KIF24: variants seen among roughly 807,000 people sequenced by gnomAD.
The protein encoded by KIF24 is kinesin family member 24, also known as kinesin-like protein KIF24.
A neutral mutation model predicts 118.9 loss-of-function variants in KIF24; 81 were observed. The observed-to-expected ratio is 0.68, with a 90% CI of 0.57 to 0.82. The LOEUF (loss-of-function observed/expected upper bound fraction) is 0.82, where lower values mean the gene tolerates loss of function less well. Ranked by LOEUF, KIF24 falls within the 40% of genes least tolerant of loss-of-function variation. The pLI is 0.00. For missense variants in KIF24, 1,560 were observed against 1,661.6 expected, an observed-to-expected ratio of 0.94 and a Z score of 1.06; for synonymous variants, 599 against 610.0, an observed-to-expected ratio of 0.98 and a Z score of 0.27.
Position 34,259,595 on chromosome 9 carries a change from C to T in KIF24, c.1625+1G>A, listed in dbSNP as rs776609862. On this transcript the variant is annotated splice_donor_variant, in intron 10 of 12. Coordinates refer to ENST00000402558, the MANE Select transcript of KIF24 (RefSeq NM_194313.4). LOFTEE classifies it high-confidence loss of function. ...AACCTGCCATCTGGGAGCTGACTTA[C>T]CGGTCAGCATAGCGCAAGGTGTTGA... The T allele has an allele frequency of 4.0e-5, 65 of 1,611,038 alleles. No homozygotes were observed. Among genetic ancestry groups the T allele is most frequent in the Non-Finnish European group, 5.1e-5 (60 of 1,177,424 alleles).
At chr9:34,276,140 C>CGT (rs1311830651) in intron 6 of KIF24, among the ~76,000 whole-genome samples, 9 of 152,104 alleles carry the variant, frequency 5.9e-5, no homozygotes, top group Non-Finnish European at 1.5e-5. Context: ...CGGTGGCTCA[C>CGT]GCCTATAATC....
intron 7 of KIF24, among the ~76,000 whole-genome samples, chr9:34,269,689 G>T (rs925536347): frequency 4.6e-5 from 7 of 152,126 alleles, no homozygotes; most frequent in Non-Finnish European, 7.4e-5. Context: ...AAAGTGCTGG[G>T]ATTACAGGCA....
chr9:34,308,908 C>T (rs1837033100), intron 2 of KIF24, among the ~76,000 whole-genome samples: 1 of 151,828 alleles, frequency 6.6e-6, no homozygotes, highest in Non-Finnish European at 1.5e-5. Flanking sequence ...AGTGAGATCC[C>T]CAACTCTACA....
chr9:34,260,093 A>C (rs1834999968), intron 9 of KIF24, among the ~76,000 whole-genome samples: 1 of 152,140 alleles, frequency 6.6e-6, no homozygotes, highest in Non-Finnish European at 1.5e-5. Flanking sequence ...AGTGGCACTC[A>C]CCTGTCTGTA....
intron 1 of KIF24, chr9:34,319,139 T>C: frequency 1.3e-5 from 20 of 1,565,514 alleles, no homozygotes; most frequent in Non-Finnish European, 1.8e-5. Flanking sequence ...CTACAACTAC[T>C]ATGACAATGA....
intron 6 of KIF24, among the ~76,000 whole-genome samples, chr9:34,277,098 T>A (rs1374899177): frequency 6.6e-6 from 1 of 152,160 alleles, no homozygotes; most frequent in Non-Finnish European, 1.5e-5. Context: ...AAACTTACTG[T>A]GGAAAACTTG....
Position 34,256,647 on chromosome 9 carries a change from A to G in KIF24, c.2960T>C (p.Ile987Thr). The part of the protein sequence containing the change: ...LPSPEEDGFT[I>T]SLSHVAVPGS... ...AGGAACTGCAACGTGGGACAATGAG[A>G]TAGTGAAACCATCTTCCTCTGGGGA... The change falls in exon 11 of 13, where the codon ATC becomes ACC. Residue 987 changes from isoleucine (I) to threonine (T), a missense_variant. Physicochemically the swap from Ile to Thr is moderately conservative, Grantham distance 89. This residue lies in a region of KIF24 where 591 missense variants were observed against 655.6 expected (regional missense o/e 0.90). Coordinates refer to ENST00000402558, the MANE Select transcript of KIF24 (RefSeq NM_194313.4). 1 of 1,613,970 alleles carries G rather than the reference A, an allele frequency of 6.2e-7. No homozygotes were observed. The highest frequency in any genetic ancestry group is 1.1e-5 in the South Asian group (1 of 91,082).
chr9:34,291,792 A>C (rs77798292), intron 4 of KIF24, among the ~76,000 whole-genome samples: 1 of 131,474 alleles, frequency 7.6e-6, no homozygotes, highest in Non-Finnish European at 1.7e-5. Flanking sequence ...TGCTTGCAGC[A>C]AAAAAAAAAA....
Position 34,257,878 on chromosome 9 carries a change from C to T in KIF24, c.1729G>A (p.Ala577Thr). Residue 577 changes from alanine to threonine, a missense_variant, in exon 11 of 13, where the codon GCT becomes ACT. By Grantham distance (58) the Ala-to-Thr change is moderately conservative. Transcript: ENST00000402558. The stretch of plus-strand genomic sequence containing the variant: ...GGAGAACATTTGTCCTCTGACAAAG[C>T]CCCAGGGGAGCTCTGAATTCGTTTT... The part of the protein sequence containing the change: ...SPKRIQSSPG[A>T]LSEDKCSPKK... 6.2e-7 allele frequency: 1 copy of T among 1,613,984 alleles called. No homozygotes were observed. Among genetic ancestry groups the T allele is most frequent in the Non-Finnish European group, 8.5e-7 (1 of 1,179,850 alleles).
intron 1 of KIF24, among the ~76,000 whole-genome samples, chr9:34,311,661 C>CATATATACGTGTATATGTAT (rs1252920049): frequency 1.4e-5 from 2 of 144,006 alleles, no homozygotes; most frequent in Non-Finnish European, 3.1e-5. Context: ...CGTGTATATA[C>CATATATACGTGTATATGTAT]ATATATACGT....
chr9:34,299,185 T>C (rs1223482583), intron 3 of KIF24, among the ~76,000 whole-genome samples: 2 of 152,018 alleles, frequency 1.3e-5, no homozygotes, highest in East Asian at 1.9e-4. Flanking sequence ...ATTTTGTTCA[T>C]TGATTTTTTT....
At chr9:34,310,437 G>A (rs1040690591) in intron 2 of KIF24, among the ~76,000 whole-genome samples, 5 of 151,932 alleles carry the variant, frequency 3.3e-5, no homozygotes, top group African/African-American at 7.3e-5. Flanking sequence ...ATCATGTTAC[G>A]CTATAATAAA....
rs751237143 is a variant in KIF24, at chr9:34,255,742, G to A, written c.3865C>T (p.Gln1289Ter). 6.2e-7 allele frequency: 1 copy of A among 1,609,684 alleles called. No homozygotes were observed. Among genetic ancestry groups the A allele is most frequent in the Non-Finnish European group, 8.5e-7 (1 of 1,177,474 alleles). The change falls in exon 11 of 13, where the codon CAA becomes TAA. Residue 1289 changes from glutamine (Q) to a stop codon, truncating the protein, a stop_gained. Transcript: ENST00000402558. LOFTEE classifies it high-confidence loss of function. ...GGAAAGTGTCCAACTTACTGCGCTT[G>A]CTCCAGGGTGGGCTGACGGAGTGTC... is the stretch of plus-strand genomic sequence containing the variant. ...AGTLRQPTLE[Q>*]AQQVVIRAHQ... is the part of the protein sequence containing the mutation.
rs989318709 is a variant in KIF24 at position 34,281,182 on chromosome 9, T to C, written c.1215+5435A>G. Among the ~76,000 whole-genome samples the C allele has an allele frequency of 3.7e-4, 57 of 152,142 alleles. 1 individual carries two copies. Among genetic ancestry groups the C allele is most frequent in the African/African-American group, 1.3e-3 (52 of 41,538 alleles). On this transcript the variant is annotated intron_variant, in intron 6 of 12. Transcript: ENST00000402558. ...CTGGGATTACAAGCGCCCACCACCA[T>C]ACCCGGCTCATTTTTGTATTTTTAG...
At chr9:34,269,093 G>T (rs528858367) in intron 8 of KIF24, among the ~76,000 whole-genome samples, 164 bp downstream of exon 8, 1 of 152,300 alleles carries the variant, frequency 6.6e-6, no homozygotes, top group South Asian at 2.1e-4. Flanking sequence ...AGAATTGTGA[G>T]AGTCTGTCTG....
intron 6 of KIF24, among the ~76,000 whole-genome samples, chr9:34,277,034 A>T (rs1835681796): frequency 6.6e-6 from 1 of 152,208 alleles, no homozygotes; most frequent in Non-Finnish European, 1.5e-5. Flanking sequence ...ATGGATCATC[A>T]TAGATTGGTA....
At chr9:34,254,785 T>C (rs1834756125) in intron 12 of KIF24, among the ~76,000 whole-genome samples, 1 of 152,096 alleles carries the variant, frequency 6.6e-6, no homozygotes, top group Non-Finnish European at 1.5e-5. Flanking sequence ...TGGTCACTGT[T>C]AGTCACAGGG....
intron 2 of KIF24, among the ~76,000 whole-genome samples, chr9:34,309,936 A>C (rs1837072205): frequency 6.6e-6 from 1 of 151,502 alleles, no homozygotes; most frequent in African/African-American, 2.4e-5. Context: ...CCCATAACTC[A>C]CATATATAAT....
intron 2 of KIF24, among the ~76,000 whole-genome samples, chr9:34,307,094 G>A (rs1244108540): frequency 6.6e-6 from 1 of 151,926 alleles, no homozygotes; most frequent in East Asian, 1.9e-4. Context: ...TTTGAGATAG[G>A]ATCTCACTCT....
Sources: allele counts gnomAD v4.1 joint callset (sites outside exome capture counted in the v4.1 genomes callset), GRCh38; gene constraint gnomAD v4.1.1; regional missense constraint gnomAD v4.1.1; transcripts MANE v1.5; gene names NCBI Gene and HGNC (gene_info 2026-07-23, HGNC 2026-07-21).